The following CAPN11 variants were observed in gnomAD, a reference collection of about 807,000 sequenced individuals.
The protein encoded by CAPN11 is calpain-11.
Under a neutral mutation model 105.3 loss-of-function variants are expected in CAPN11, and 108 were observed. The ratio of observed to expected loss-of-function variants is 1.03; its 90% CI spans 0.88 to 1.20. CAPN11 has a LOEUF of 1.20. Ranked by LOEUF, CAPN11 falls within the 50% of genes most tolerant of loss-of-function variation. CAPN11 has a pLI of 0.00. For synonymous variants in CAPN11, 329 were observed against 344.5 expected, an observed-to-expected ratio of 0.96 and a Z score of 0.50; for missense variants, 883 against 924.8, an observed-to-expected ratio of 0.95 and a Z score of 0.59.
At chr6:44,183,280 C>CG (rs752467356) in intron 21 of CAPN11, 45 bp downstream of exon 21, 3 of 1,288,196 alleles carry the variant, frequency 2.3e-6, no homozygotes, top group Non-Finnish European at 2.3e-6. Flanking sequence ...CCAGGGGCCG[C>CG]GGGCCCTTTC....
At chr6:44,170,296 G>A (rs112484076) in intron 4 of CAPN11, among the ~76,000 whole-genome samples, 1,687 of 152,316 alleles carry the variant, frequency 0.011, 31 homozygotes, top group African/African-American at 0.038. Context: ...CTGTGGGTCA[G>A]AAATTCAGAA....
chr6:44,182,663 G>C (rs545579859), intron 19 of CAPN11, among the ~76,000 whole-genome samples: 1 of 152,116 alleles, frequency 6.6e-6, no homozygotes, highest in Non-Finnish European at 1.5e-5. Context: ...TGCGATCTCT[G>C]CTTACTGTAA....
rs1561856736 is a variant in CAPN11 at position 44,183,185 on chromosome 6, T to C, written c.2084T>C (p.Ile695Thr). The stretch of plus-strand genomic sequence containing the variant: ...AGGTATGCAGATGATGACCTGATCA[T>C]AGACTTTGACAGCTTCATCAGCTGT... ...VARYADDDLI[I>T]DFDSFISCFL... The change falls in exon 21 of 23, where the codon ATA becomes ACA. Residue 695 changes from isoleucine (I) to threonine (T), a missense_variant. Transcript: ENST00000398776. 2.5e-6 allele frequency: 4 copies of C among 1,613,688 alleles called. No individual in the cohort carries two copies. The highest frequency in any genetic ancestry group is 3.4e-6 in the Non-Finnish European group (4 of 1,179,650).
At chr6:44,180,347 C>G in intron 14 of CAPN11, 113 bp from the exon 15 acceptor site, 1 of 1,055,528 alleles carries the variant, frequency 9.5e-7, no homozygotes. Context: ...ACCCATATTC[C>G]ATGGAGCTGC....
chr6:44,180,401 A>G (rs1772931830), intron 14 of CAPN11, 59 bp from the exon 15 acceptor site: 1 of 1,506,290 alleles, frequency 6.6e-7, no homozygotes, highest in African/African-American at 1.4e-5. Flanking sequence ...AGAGCACCCC[A>G]CTAAAACCCC....
intron 13 of CAPN11, 51 bp downstream of exon 13, chr6:44,179,681 C>T: frequency 1.3e-6 from 2 of 1,588,864 alleles, no homozygotes; most frequent in Non-Finnish European, 1.7e-6. Flanking sequence ...ACCCACTCCA[C>T]CCCTGGCTGC....
chr6:44,162,353 G>T (rs2128290052), intron 1 of CAPN11, among the ~76,000 whole-genome samples: 1 of 133,868 alleles, frequency 7.5e-6, no homozygotes, highest in African/African-American at 2.8e-5. Flanking sequence ...CCCCCTCACA[G>T]TCTCTTTGAA....
Position 44,183,053 on chromosome 6 carries a change from G to A in CAPN11, c.2017+34G>A, listed in dbSNP as rs757153507. 2.5e-6 allele frequency: 4 copies of A among 1,599,068 alleles called. No individual in the cohort carries two copies. In the South Asian group the frequency reaches 3.3e-5, roughly 13 times the overall value. On this transcript the variant is annotated intron_variant, in intron 20 of 22. Coordinates refer to ENST00000398776, the MANE Select transcript of CAPN11 (RefSeq NM_007058.4). ...GGGTCAGGAGTGGGCCTTGGGGCAG[G>A]GAAGAGGATGGCAGTGTCCAGAGGC...
intron 6 of CAPN11, 25 bp downstream of exon 6, chr6:44,173,098 G>A: frequency 6.2e-7 from 1 of 1,610,946 alleles, no homozygotes; most frequent in Non-Finnish European, 8.5e-7. Context: ...CTGAGGAAGG[G>A]GGCTTGCCTT....
chr6:44,174,515 C>CAAAAA (rs66536720), intron 7 of CAPN11, among the ~76,000 whole-genome samples: 1 of 77,302 alleles, frequency 1.3e-5, no homozygotes, highest in Non-Finnish European at 2.4e-5. Flanking sequence ...TCATCTCTAC[C>CAAAAA]AAAAAAAAAA....
rs1774224352 is a variant in CAPN11 at position 44,184,370 on chromosome 6, T to C, written c.*438T>C. The C allele has an allele frequency of 4.9e-6, 1 of 205,368 alleles. No homozygotes were observed. Among genetic ancestry groups the C allele is most frequent in the Non-Finnish European group, 1.0e-5 (1 of 100,040 alleles). The allele number at this position is 205,368 out of a possible 1,614,324, so 12.7% of individuals were successfully genotyped here. On this transcript the variant is annotated 3_prime_UTR_variant, in exon 23 of 23. Coordinates refer to ENST00000398776, the MANE Select transcript of CAPN11 (RefSeq NM_007058.4). ...CTCTGTTTTCCTCCCCATCTGTGGA[T>C]ACTATTCTAATAAATAGCACATGCC...
Position 44,184,294 on chromosome 6 carries a change from T to C in CAPN11, c.*362T>C. On this transcript the variant is annotated 3_prime_UTR_variant, in exon 23 of 23. Transcript: ENST00000398776. Reference sequence around the variant, plus strand: ...CTTGTAGCCCGTTTCTTACCCTCCATGCTTGCTGTCCTGCTCACACCTACC... The same window carrying C: ...CTTGTAGCCCGTTTCTTACCCTCCACGCTTGCTGTCCTGCTCACACCTACC... 2.9e-6 allele frequency: 1 copy of C among 345,368 alleles called. No homozygotes were observed. The highest frequency in any genetic ancestry group is 5.4e-6 in the Non-Finnish European group (1 of 184,128). The allele number at this position is 345,368 out of a possible 1,614,324, so 21.4% of individuals were successfully genotyped here.
At chr6:44,169,031 G>C (rs1164546958) in intron 2 of CAPN11, 1 of 531,316 alleles carries the variant, frequency 1.9e-6, no homozygotes, top group Non-Finnish European at 3.6e-6. Context: ...CCAGGGCTCA[G>C]GTGATCCTCC....
intron 4 of CAPN11, among the ~76,000 whole-genome samples, chr6:44,171,032 G>A (rs566886002): frequency 5.2e-4 from 79 of 152,306 alleles, no homozygotes; most frequent in Admixed American, 2.4e-3. Context: ...TGCTGTGGCC[G>A]CTGTGGCTCA....
intron 7 of CAPN11, among the ~76,000 whole-genome samples, chr6:44,174,577 C>T (rs1771623990): frequency 6.7e-6 from 1 of 150,238 alleles, no homozygotes; most frequent in African/African-American, 2.4e-5. Flanking sequence ...AAGACAATCC[C>T]CTCCAAAGGT....
At chr6:44,182,302 C>T (rs1228358886) in intron 19 of CAPN11, among the ~76,000 whole-genome samples, 10 of 145,926 alleles carry the variant, frequency 6.9e-5, no homozygotes, top group Non-Finnish European at 1.5e-4. Flanking sequence ...CACACACACA[C>T]ACACACACAC....
chr6:44,177,132 C>T, intron 11 of CAPN11, 110 bp from the exon 12 acceptor site: 6 of 1,457,702 alleles, frequency 4.1e-6, no homozygotes, highest in Middle Eastern at 2.1e-4. Context: ...GATTTCACAG[C>T]CCCTGTGGAG....
chr6:44,181,558 TACAG>T (rs1773393873), intron 19 of CAPN11, among the ~76,000 whole-genome samples: 2 of 13,788 alleles, frequency 1.5e-4, no homozygotes, highest in Admixed American at 1.1e-3. Context: ...CACACTCACA[TACAG>T]ACACAACCAC....
chr6:44,166,919 G>T, intron 2 of CAPN11, 90 bp downstream of exon 2: 1 of 789,008 alleles, frequency 1.3e-6, no homozygotes, highest in Non-Finnish European at 2.1e-6. Context: ...TGCTGGTGGG[G>T]GAAGTCAGTC....
Sources: gnomAD v4.1 joint callset for allele counts (sites outside exome capture counted in the v4.1 genomes callset) on GRCh38, gnomAD v4.1.1 for gene constraint, MANE v1.5 for transcripts, NCBI Gene and HGNC (gene_info 2026-07-23, HGNC 2026-07-21) for gene names.